PBX3: variants seen among roughly 807,000 people sequenced by gnomAD.
PBX3 encodes the protein pre-B-cell leukemia transcription factor 3.
In PBX3, 14 loss-of-function variants were observed where a neutral mutation model predicts 48.5. The ratio of observed to expected loss-of-function variants is 0.29; its 90% CI spans 0.19 to 0.45. The LOEUF is 0.45. Ranked by LOEUF, PBX3 falls within the 20% of genes least tolerant of loss-of-function variation. The probability of loss-of-function intolerance (pLI) is 1.00; values close to 1 mark genes in which losing one functional copy is unlikely to be tolerated. For synonymous variants in PBX3, 210 were observed against 200.3 expected (o/e 1.05, Z -0.41); for missense variants, 386 against 546.7 (o/e 0.71, Z 2.93).
At chr9:125,827,966 C>T (rs551892686) in intron 2 of PBX3, among the ~76,000 whole-genome samples, 5 of 152,170 alleles carry the variant, frequency 3.3e-5, no homozygotes, top group African/African-American at 9.6e-5. Context: ...TCTGGAACTA[C>T]GCATTTTGGA....
chr9:125,889,782 C>T (rs1262428078), intron 2 of PBX3, among the ~76,000 whole-genome samples: 1 of 149,576 alleles, frequency 6.7e-6, no homozygotes, highest in Non-Finnish European at 1.5e-5. Context: ...GGCCGCGGGG[C>T]CTCCCGGCGC....
chr9:125,854,392 C>G (rs1179056322), intron 2 of PBX3, among the ~76,000 whole-genome samples: 1 of 152,072 alleles, frequency 6.6e-6, no homozygotes, highest in East Asian at 1.9e-4. Context: ...GCCTCTGCCT[C>G]TCGAATTGCT....
chr9:125,881,052 T>G (rs1017200960), intron 2 of PBX3, among the ~76,000 whole-genome samples: 7 of 152,250 alleles, frequency 4.6e-5, no homozygotes, highest in Admixed American at 4.6e-4. Flanking sequence ...GGTTTCACTT[T>G]GACAGGAAAT....
intron 3 of PBX3, among the ~76,000 whole-genome samples, chr9:125,923,256 A>G (rs1841493567): frequency 6.6e-6 from 1 of 152,262 alleles, no homozygotes; most frequent in Non-Finnish European, 1.5e-5. Context: ...CCAGCTAGAC[A>G]AAAACTAAGA....
intron 5 of PBX3, among the ~76,000 whole-genome samples, chr9:125,942,950 C>G (rs1455638577): frequency 6.6e-6 from 1 of 152,096 alleles, no homozygotes; most frequent in East Asian, 1.9e-4. Context: ...ACAATCAGTA[C>G]CATGATTGGT....
intron 2 of PBX3, among the ~76,000 whole-genome samples, chr9:125,867,158 C>A (rs1427825029): frequency 6.6e-6 from 1 of 151,920 alleles, no homozygotes; most frequent in African/African-American, 2.4e-5. Context: ...ACAAATGATG[C>A]ATTTCACCCT....
At chr9:125,901,926 T>C (rs1465509174) in intron 2 of PBX3, among the ~76,000 whole-genome samples, 1 of 151,778 alleles carries the variant, frequency 6.6e-6, no homozygotes, top group African/African-American at 2.4e-5. Context: ...GGACCTTGCC[T>C]AGACCGTGAC....
chr9:125,771,705 TG>T (rs1836944837), intron 2 of PBX3, among the ~76,000 whole-genome samples: 1 of 152,212 alleles, frequency 6.6e-6, no homozygotes, highest in African/African-American at 2.4e-5. Context: ...GTATAATGCC[TG>T]GTTGATAGTA....
chr9:125,750,664 G>A (rs1467675551), intron 2 of PBX3, among the ~76,000 whole-genome samples: 1 of 152,190 alleles, frequency 6.6e-6, no homozygotes, highest in Non-Finnish European at 1.5e-5. Context: ...GTGATAACTT[G>A]TAAATTAGAT....
chr9:125,914,051 A>G (rs938304224), intron 2 of PBX3, among the ~76,000 whole-genome samples: 1 of 152,218 alleles, frequency 6.6e-6, no homozygotes, highest in Admixed American at 6.5e-5. Context: ...TTAAAGATTT[A>G]AATTAAAAAT....
intron 2 of PBX3, among the ~76,000 whole-genome samples, chr9:125,896,901 CA>C (rs1840782799): frequency 6.6e-6 from 1 of 151,936 alleles, no homozygotes; most frequent in Non-Finnish European, 1.5e-5. Context: ...ATTAAATTGG[CA>C]ACTCTTAATT....
At chr9:125,853,553 G>T (rs1186135095) in intron 2 of PBX3, among the ~76,000 whole-genome samples, 1 of 152,128 alleles carries the variant, frequency 6.6e-6, no homozygotes, top group Non-Finnish European at 1.5e-5. Context: ...GCCACAAATG[G>T]CCCCCTAACA....
Position 125,963,013 on chromosome 9 carries a change from T to A in PBX3, c.1124T>A (p.Val375Glu). Reference sequence around the variant, plus strand: ...AATTTTGTTTTGTCTCACTTCTAGGTGGATACCCTCCGTCATGTTATCAAT... The same window carrying A: ...AATTTTGTTTTGTCTCACTTCTAGGAGGATACCCTCCGTCATGTTATCAAT... ...SQVGANVQSQ[V>E]DTLRHVINQT... The change falls in exon 8 of 9, where the codon GTG (valine) becomes GAG (glutamate). Residue 375 changes from valine to glutamate, a missense_variant and splice_region_variant. By Grantham distance (121) the Val-to-Glu change is moderately radical. Around this residue, in one of 4 missense-constraint regions of PBX3, gnomAD observed 127 missense variants for 143.3 expected, o/e 0.89. Transcript: ENST00000373489. 6.3e-7 allele frequency: 1 copy of A among 1,593,174 alleles called. No homozygotes were observed. The highest frequency in any genetic ancestry group is 8.6e-7 in the Non-Finnish European group (1 of 1,162,598).
At position 125,749,717 on chromosome 9, in the gene PBX3, T is replaced by C. The variant is rs557710072; in HGVS notation, c.274+1094T>C. Among the ~76,000 whole-genome samples the C allele has an allele frequency of 7.2e-5, 11 of 152,344 alleles. No homozygotes were observed. In the East Asian group the frequency reaches 1.7e-3, roughly 24 times the overall value. Reference sequence around the variant, plus strand: ...CATGTGATTGTGTTTAAATTGAGTGTACAAATAGCACAGTGCAAATAATTG... The same window carrying C: ...CATGTGATTGTGTTTAAATTGAGTGCACAAATAGCACAGTGCAAATAATTG... On this transcript the variant is annotated intron_variant, in intron 2 of 8. Coordinates refer to ENST00000373489, the MANE Select transcript of PBX3 (RefSeq NM_006195.6).
intron 4 of PBX3, among the ~76,000 whole-genome samples, chr9:125,934,590 C>A (rs548445472): frequency 1.3e-5 from 2 of 152,256 alleles, no homozygotes; most frequent in African/African-American, 2.4e-5. Flanking sequence ...CCCTTCCCAA[C>A]AAAAACAAAA....
chr9:125,923,093 C>T (rs757632632), intron 3 of PBX3, among the ~76,000 whole-genome samples: 2 of 152,210 alleles, frequency 1.3e-5, no homozygotes, highest in Non-Finnish European at 2.9e-5. Context: ...GATGGCTTCA[C>T]TTAATAAGTT....
At chr9:125,964,108 G>A (rs1247283267) in intron 8 of PBX3, among the ~76,000 whole-genome samples, 3 of 152,178 alleles carry the variant, frequency 2.0e-5, no homozygotes, top group African/African-American at 7.2e-5. Flanking sequence ...GTGATTGCCT[G>A]CAGCATTTTA....
Position 125,859,009 on chromosome 9 carries a change from T to G in PBX3, c.275-56677T>G, listed in dbSNP as rs533094694. On this transcript the variant is annotated intron_variant, in intron 2 of 8. Transcript: ENST00000373489. ...GAGATAGTAGTAAGTTAAATGAGGT[T>G]GCGTGACTACAGCTTCTGCCCATAG... is the stretch of plus-strand genomic sequence containing the variant. Among the ~76,000 whole-genome samples the G allele has an allele frequency of 6.6e-5, 10 of 152,318 alleles. No individual in the cohort carries two copies. The South Asian group carries it at 1.2e-3, about 19-fold the overall frequency.
chr9:125,747,857 G>T (rs1035607182), intron 1 of PBX3, among the ~76,000 whole-genome samples: 1 of 151,832 alleles, frequency 6.6e-6, no homozygotes. Context: ...GCTCTGGGGG[G>T]CTCGGGACGG....
Sources: allele counts gnomAD v4.1 joint callset (sites outside exome capture counted in the v4.1 genomes callset), GRCh38; gene constraint gnomAD v4.1.1; regional missense constraint gnomAD v4.1.1; transcripts MANE v1.5; gene names NCBI Gene and HGNC (gene_info 2026-07-23, HGNC 2026-07-21).